Variants in MICU1 observed in about 807,000 individuals in gnomAD.
MICU1 encodes mitochondrial calcium uptake 1, also known as calcium uptake protein 1, mitochondrial.
In MICU1, 45 loss-of-function variants were observed where a neutral mutation model predicts 56.8. The observed-to-expected ratio is 0.79, with a 90% CI of 0.62 to 1.02. MICU1 has a LOEUF of 1.02. Among genes scored for constraint, MICU1 ranks in the 50% least tolerant of loss-of-function variants. MICU1 has a pLI of 0.00. For missense variants in MICU1, 504 were observed against 587.1 expected (o/e 0.86, Z 1.46); for synonymous variants, 186 against 195.1 (o/e 0.95, Z 0.39).
chr10:72,445,687 T>C (rs547639126), intron 8 of MICU1, among the ~76,000 whole-genome samples: 5 of 152,290 alleles, frequency 3.3e-5, no homozygotes, highest in African/African-American at 1.2e-4. Flanking sequence ...GTGGCAAAAA[T>C]ACAAGATTTG....
At chr10:72,415,747 G>T (rs762121548) in intron 9 of MICU1, among the ~76,000 whole-genome samples, 1 of 152,054 alleles carries the variant, frequency 6.6e-6, no homozygotes. Context: ...CTGGCATCTG[G>T]CAACACTGGT....
At chr10:72,388,729 T>A (rs1862972169) in intron 10 of MICU1, among the ~76,000 whole-genome samples, 1 of 152,228 alleles carries the variant, frequency 6.6e-6, no homozygotes. Flanking sequence ...GTCTTCCCAA[T>A]GCTACTGTGA....
chr10:72,400,641 G>A (rs1554861624), intron 10 of MICU1, among the ~76,000 whole-genome samples: 1 of 152,078 alleles, frequency 6.6e-6, no homozygotes, highest in Non-Finnish European at 1.5e-5. Context: ...AGCTACTTGG[G>A]AGGCTGGGGC....
At chr10:72,509,320 C>T in intron 5 of MICU1, 1 of 1,196,866 alleles carries the variant, frequency 8.4e-7, no homozygotes, top group Non-Finnish European at 1.1e-6. Flanking sequence ...GGCATAACTT[C>T]AAGAGGAGTA....
intron 8 of MICU1, among the ~76,000 whole-genome samples, chr10:72,458,822 C>A (rs1010641344): frequency 1.3e-5 from 2 of 151,430 alleles, no homozygotes; most frequent in African/African-American, 4.9e-5. Context: ...TTGATCCAAC[C>A]ACCTCAGCCT....
In MICU1 at chr10:72,494,408, A is replaced by G. The variant is rs147796785; in HGVS notation, c.652+13747T>C. Among the ~76,000 whole-genome samples, 559 of 152,262 alleles carry G rather than the reference A, an allele frequency of 3.7e-3. 4 individuals are homozygous for G. Among genetic ancestry groups the G allele is most frequent in the African/African-American group, 0.013 (542 of 41,540 alleles). On this transcript the variant is annotated intron_variant, in intron 6 of 11. Transcript: ENST00000361114. ...CTACTCGAATAAATTCTGAACATAA[A>G]GAAAAAACACTTAGAAATGTAATGT...
At chr10:72,368,382 G>A (rs995628385) in intron 11 of MICU1, 27 bp from the exon 12 acceptor site, 2 of 1,605,228 alleles carry the variant, frequency 1.2e-6, no homozygotes, top group Non-Finnish European at 1.7e-6. Context: ...AAACAACAGG[G>A]ATAAGTGTTG....
chr10:72,619,690 C>G (rs887038794), intron 1 of MICU1, among the ~76,000 whole-genome samples: 1 of 152,104 alleles, frequency 6.6e-6, no homozygotes, highest in African/African-American at 2.4e-5. Flanking sequence ...AAGTAAATTA[C>G]GAGAACCAAG....
intron 8 of MICU1, among the ~76,000 whole-genome samples, chr10:72,439,249 C>T (rs1214835089): frequency 6.6e-6 from 1 of 152,170 alleles, no homozygotes; most frequent in Non-Finnish European, 1.5e-5. Context: ...GTTCAACATA[C>T]ACAAATCAAT....
intron 10 of MICU1, 95 bp from the exon 11 acceptor site, chr10:72,375,967 TTTCAAC>T (rs1862506017): frequency 8.9e-7 from 1 of 1,122,598 alleles, no homozygotes; most frequent in Admixed American, 2.3e-5. Context: ...TAATACAAGT[TTTCAAC>T]TGCATTTAAG....
At chr10:72,524,223 C>T (rs1465031511) in intron 5 of MICU1, among the ~76,000 whole-genome samples, 3 of 152,062 alleles carry the variant, frequency 2.0e-5, no homozygotes, top group Admixed American at 6.5e-5. Flanking sequence ...TGGGATCAAG[C>T]GATCTTCCCA....
At chr10:72,439,061 T>G (rs961987585) in intron 8 of MICU1, among the ~76,000 whole-genome samples, 1 of 152,114 alleles carries the variant, frequency 6.6e-6, no homozygotes, top group Non-Finnish European at 1.5e-5. Flanking sequence ...AAGGCCAACA[T>G]CATCCTGATA....
intron 1 of MICU1, among the ~76,000 whole-genome samples, chr10:72,614,845 T>C (rs1418709618): frequency 6.6e-6 from 1 of 152,156 alleles, no homozygotes; most frequent in Non-Finnish European, 1.5e-5. Context: ...CTAGTGATGG[T>C]TGTGTAACAA....
chr10:72,503,692 T>A lies in MICU1; in HGVS notation c.652+4463A>T, dbSNP rs574849078. Among the ~76,000 whole-genome samples the A allele has an allele frequency of 3.9e-5, 6 of 152,258 alleles. No homozygotes were observed. The South Asian group carries it at 1.2e-3, about 32-fold the overall frequency. On this transcript the variant is annotated intron_variant, in intron 6 of 11. Transcript: ENST00000361114. ...CCACATTATCTCTTCACTGACAATATGATTCTATACCTAGAAAACCCAAAA... is the reference window on the plus strand; with the variant it reads ...CCACATTATCTCTTCACTGACAATAAGATTCTATACCTAGAAAACCCAAAA...
chr10:72,399,033 G>A (rs1863361126), intron 10 of MICU1, among the ~76,000 whole-genome samples: 6 of 152,230 alleles, frequency 3.9e-5, no homozygotes, highest in Middle Eastern at 6.8e-3. Context: ...ACATCAATGG[G>A]AAAATCCTCA....
intron 5 of MICU1, among the ~76,000 whole-genome samples, chr10:72,510,995 C>T (rs2132353894): frequency 6.6e-6 from 1 of 152,288 alleles, no homozygotes; most frequent in Non-Finnish European, 1.5e-5. Context: ...GCTATTTTCA[C>T]CCTGATCAAG....
chr10:72,504,959 TATC>T (rs1293945636), intron 6 of MICU1, among the ~76,000 whole-genome samples: 14 of 147,870 alleles, frequency 9.5e-5, no homozygotes, highest in Non-Finnish European at 1.9e-4. Flanking sequence ...TGGCTATTAT[TATC>T]ATTATTATTA....
chr10:72,579,158 A>C (rs980089922), intron 1 of MICU1, among the ~76,000 whole-genome samples: 12 of 152,314 alleles, frequency 7.9e-5, no homozygotes, highest in African/African-American at 2.9e-4. Context: ...ATTTACATAT[A>C]AATAATATTG....
chr10:72,427,946 A>G (rs763462693), intron 8 of MICU1, among the ~76,000 whole-genome samples: 1 of 152,012 alleles, frequency 6.6e-6, no homozygotes, highest in Non-Finnish European at 1.5e-5. Flanking sequence ...ATGCCCATCT[A>G]AAGGAAAATG....
Sources: allele counts gnomAD v4.1 joint callset (sites outside exome capture counted in the v4.1 genomes callset), GRCh38; gene constraint gnomAD v4.1.1; transcripts MANE v1.5; gene names NCBI Gene and HGNC (gene_info 2026-07-23, HGNC 2026-07-21).